Variants in CSMD1 observed in about 807,000 individuals in gnomAD.
CSMD1 encodes CUB and Sushi multiple domains 1, also known as CUB and sushi domain-containing protein 1.
A neutral mutation model predicts 417.5 loss-of-function variants in CSMD1; 213 were observed. That is an observed-to-expected ratio of 0.51 (90% CI 0.46 to 0.57). The LOEUF is 0.57. CSMD1 is among the 20% of genes least tolerant of loss of function. CSMD1 has a pLI of 0.00. For missense variants in CSMD1, 6,923 were observed against 4,529.7 expected (o/e 1.53, Z -15.17); for synonymous variants, 2,862 against 1,736.8 (o/e 1.65, Z -16.11).
chr8:4,330,208 A>ACACCCGTCAGATCCACCTGTCATATC (rs1563061998), intron 3 of CSMD1, among the ~76,000 whole-genome samples: 1 of 151,238 alleles, frequency 6.6e-6, no homozygotes, highest in Non-Finnish European at 1.5e-5. Context: ...TTTCTCCATA[A>ACACCCGTCAGATCCACCTGTCATATC]CACCCGTCAG....
At chr8:3,300,723 G>A (rs770902163) in intron 25 of CSMD1, among the ~76,000 whole-genome samples, 2 of 152,014 alleles carry the variant, frequency 1.3e-5, no homozygotes, top group Non-Finnish European at 2.9e-5. Context: ...TTGGGAGGAC[G>A]AGGCGGGCAG....
chr8:3,867,798 C>T (rs1201128750), intron 5 of CSMD1, among the ~76,000 whole-genome samples: 1 of 152,104 alleles, frequency 6.6e-6, no homozygotes, highest in South Asian at 2.1e-4. Flanking sequence ...TGGAGTATGA[C>T]TCACATTCCA....
chr8:3,864,968 T>A (rs1034338736), intron 5 of CSMD1, among the ~76,000 whole-genome samples: 4 of 152,244 alleles, frequency 2.6e-5, no homozygotes, highest in Non-Finnish European at 5.9e-5. Flanking sequence ...TCCTTCCAGT[T>A]TTGGCAGCAT....
At chr8:3,354,777 G>GTGA (rs10695606) in intron 21 of CSMD1, among the ~76,000 whole-genome samples, 12,761 of 134,272 alleles carry the variant, frequency 0.095, 627 homozygotes, top group Middle Eastern at 0.17. Flanking sequence ...ATACAGTTTA[G>GTGA]TGATATATAT....
intron 17 of CSMD1, 127 bp downstream of exon 17, chr8:3,396,067 G>A (rs1811677119): frequency 1.3e-6 from 1 of 753,112 alleles, no homozygotes; most frequent in Non-Finnish European, 2.2e-6. Context: ...GCATAGTATG[G>A]TTTTGCTAGA....
chr8:3,468,395 A>G (rs1816903884), intron 12 of CSMD1, among the ~76,000 whole-genome samples: 1 of 152,198 alleles, frequency 6.6e-6, no homozygotes. Flanking sequence ...GAAGGTTTTC[A>G]GAGACACCAG....
intron 12 of CSMD1, among the ~76,000 whole-genome samples, chr8:3,417,448 G>A (rs1452470128): frequency 6.6e-6 from 1 of 152,192 alleles, no homozygotes; most frequent in East Asian, 1.9e-4. Flanking sequence ...TCGTATGAAA[G>A]CAATGTTGTC....
At chr8:4,622,498 T>TA (rs1266252907) in intron 2 of CSMD1, among the ~76,000 whole-genome samples, 1 of 152,078 alleles carries the variant, frequency 6.6e-6, no homozygotes, top group Non-Finnish European at 1.5e-5. Context: ...CAGAAATTAG[T>TA]AAGAATGTCT....
chr8:3,314,597 A>C (rs535620395), intron 23 of CSMD1, among the ~76,000 whole-genome samples: 4 of 152,206 alleles, frequency 2.6e-5, no homozygotes, highest in African/African-American at 9.6e-5. Flanking sequence ...TTTGTTTTCT[A>C]GTGATTTCAT....
chr8:4,163,057 T>C (rs894943167), intron 3 of CSMD1, among the ~76,000 whole-genome samples: 3 of 152,220 alleles, frequency 2.0e-5, no homozygotes, highest in African/African-American at 4.8e-5. Flanking sequence ...TGTCTTTGCA[T>C]GGCTTTCGGT....
At chr8:4,032,322 C>A (rs1259522315) in intron 3 of CSMD1, among the ~76,000 whole-genome samples, 1 of 152,088 alleles carries the variant, frequency 6.6e-6, no homozygotes, top group Non-Finnish European at 1.5e-5. Flanking sequence ...TAAATAAATG[C>A]ATTTTGTTAA....
At chr8:3,654,883 T>C (rs1798027086) in intron 7 of CSMD1, among the ~76,000 whole-genome samples, 1 of 152,086 alleles carries the variant, frequency 6.6e-6, no homozygotes, top group African/African-American at 2.4e-5. Context: ...TGCAACAGAC[T>C]GGGAGACAGG....
At chr8:4,138,628 A>G (rs190909408) in intron 3 of CSMD1, among the ~76,000 whole-genome samples, 32 of 152,132 alleles carry the variant, frequency 2.1e-4, no homozygotes, top group African/African-American at 7.5e-4. Context: ...AAACAAAGGA[A>G]AAAACATCTC....
intron 6 of CSMD1, among the ~76,000 whole-genome samples, chr8:3,751,098 T>C (rs1381853162): frequency 6.6e-6 from 1 of 152,070 alleles, no homozygotes; most frequent in Non-Finnish European, 1.5e-5. Context: ...CCCTGTTCAA[T>C]GAGGACCATG....
chr8:4,037,546 G>T (rs982378415), intron 3 of CSMD1, among the ~76,000 whole-genome samples: 3 of 152,154 alleles, frequency 2.0e-5, no homozygotes, highest in Non-Finnish European at 1.5e-5. Context: ...ACACAAATCA[G>T]ACATAGCCTT....
intron 12 of CSMD1, among the ~76,000 whole-genome samples, chr8:3,438,648 T>C (rs1452035205): frequency 6.6e-6 from 1 of 152,218 alleles, no homozygotes; most frequent in Non-Finnish European, 1.5e-5. Flanking sequence ...GTTTGCATCT[T>C]CAATGACATT....
chr8:3,661,765 G>A (rs992975197), intron 7 of CSMD1, among the ~76,000 whole-genome samples: 1 of 152,138 alleles, frequency 6.6e-6, no homozygotes, highest in Non-Finnish European at 1.5e-5. Flanking sequence ...CCAAAGTGCT[G>A]GGGTGACAGG....
chr8:4,393,118 G>A (rs905757438), intron 3 of CSMD1, among the ~76,000 whole-genome samples: 2 of 152,072 alleles, frequency 1.3e-5, no homozygotes, highest in African/African-American at 4.8e-5. Context: ...TGGGATTACA[G>A]GCGTGTGCCA....
chr8:3,569,978 C>G, intron 10 of CSMD1, among the ~76,000 whole-genome samples: 1 of 152,140 alleles, frequency 6.6e-6, no homozygotes, highest in South Asian at 2.1e-4. Context: ...ATTATTAAGT[C>G]CTCACAATCA....
Sources: gnomAD v4.1 joint callset for allele counts (sites outside exome capture counted in the v4.1 genomes callset) on GRCh38, gnomAD v4.1.1 for gene constraint, MANE v1.5 for transcripts, NCBI Gene and HGNC (gene_info 2026-07-23, HGNC 2026-07-21) for gene names.